The following OPCML variants were observed in gnomAD, a reference collection of about 807,000 sequenced individuals.
OPCML encodes the protein opioid binding protein/cell adhesion molecule like, also known as opioid-binding protein/cell adhesion molecule.
OPCML carries 13 observed loss-of-function variants against 37.8 expected under a neutral mutation model. That is an observed-to-expected ratio of 0.34 (90% CI 0.22 to 0.55). OPCML has a LOEUF of 0.55. Among genes scored for constraint, OPCML ranks in the 20% least tolerant of loss-of-function variants. The probability of loss-of-function intolerance (pLI) is 0.91; values close to 1 mark genes in which losing one functional copy is unlikely to be tolerated. For synonymous variants in OPCML, 176 were observed against 168.8 expected (o/e 1.04, Z -0.33); for missense variants, 341 against 435.6 (o/e 0.78, Z 1.93).
chr11:132,726,508 A>ATTT (rs11454717), intron 2 of OPCML, among the ~76,000 whole-genome samples: 1 of 149,600 alleles, frequency 6.7e-6, no homozygotes, highest in South Asian at 2.1e-4. Flanking sequence ...CCATATCAAC[A>ATTT]TTTTTTTTTT....
intron 1 of OPCML, among the ~76,000 whole-genome samples, chr11:133,059,573 T>C (rs1278285862): frequency 1.3e-5 from 2 of 152,200 alleles, no homozygotes; most frequent in Admixed American, 1.3e-4. Context: ...AAGAATGCCC[T>C]CATTAAACAA....
chr11:133,447,362 T>C (rs963483754), intron 1 of OPCML, among the ~76,000 whole-genome samples: 3 of 152,230 alleles, frequency 2.0e-5, no homozygotes, highest in Admixed American at 2.0e-4. Context: ...TGGTCTTCTG[T>C]TTTTAATAAA....
At chr11:132,968,689 C>A (rs1057203266) in intron 1 of OPCML, among the ~76,000 whole-genome samples, 1 of 152,164 alleles carries the variant, frequency 6.6e-6, no homozygotes, top group Non-Finnish European at 1.5e-5. Flanking sequence ...ATATTTTAAG[C>A]ATATCATTAA....
chr11:133,422,765 ATAAAG>A (rs1945919135), intron 1 of OPCML: 1 of 917,116 alleles, frequency 1.1e-6, no homozygotes, highest in Non-Finnish European at 1.3e-6. Flanking sequence ...TGTATTAATA[ATAAAG>A]TATTTATGAT....
intron 4 of OPCML, among the ~76,000 whole-genome samples, chr11:132,443,494 G>A (rs956738954): frequency 6.6e-6 from 1 of 152,222 alleles, no homozygotes. Context: ...AATTTGCAAA[G>A]TTGGAATCAA....
chr11:133,336,613 C>T (rs543913978), intron 1 of OPCML, among the ~76,000 whole-genome samples: 1 of 152,140 alleles, frequency 6.6e-6, no homozygotes, highest in East Asian at 1.9e-4. Context: ...GAAATTCATT[C>T]AGTGTTAGTT....
intron 2 of OPCML, among the ~76,000 whole-genome samples, chr11:132,752,282 G>T (rs893066597): frequency 4.0e-5 from 6 of 151,884 alleles, no homozygotes; most frequent in African/African-American, 1.2e-4. Context: ...AATTAAAAGA[G>T]AGAGAGAGAG....
At chr11:133,404,311 A>G (rs1945478644) in intron 1 of OPCML, among the ~76,000 whole-genome samples, 1 of 152,238 alleles carries the variant, frequency 6.6e-6, no homozygotes, top group South Asian at 2.1e-4. Flanking sequence ...TTTATTTCCA[A>G]ATAAGGTCAC....
intron 2 of OPCML, among the ~76,000 whole-genome samples, chr11:132,661,722 C>T (rs1218507572): frequency 6.6e-6 from 1 of 152,220 alleles, no homozygotes; most frequent in Non-Finnish European, 1.5e-5. Context: ...CTTGATAAAA[C>T]AGAACTCATT....
intron 1 of OPCML, among the ~76,000 whole-genome samples, chr11:133,521,666 C>T (rs986420685): frequency 2.0e-5 from 3 of 152,370 alleles, no homozygotes; most frequent in Non-Finnish European, 2.9e-5. Context: ...ACTCTCTCCT[C>T]CATGGGATAA....
chr11:132,755,702 C>T (rs1307543127), intron 2 of OPCML, among the ~76,000 whole-genome samples: 2 of 152,170 alleles, frequency 1.3e-5, no homozygotes, highest in African/African-American at 4.8e-5. Flanking sequence ...GGAACGGTTA[C>T]TTGCTTTGCT....
intron 2 of OPCML, among the ~76,000 whole-genome samples, chr11:132,869,095 G>T (rs1379128891): frequency 6.6e-6 from 1 of 152,202 alleles, no homozygotes; most frequent in Non-Finnish European, 1.5e-5. Flanking sequence ...ACCACTGGGG[G>T]AGAAAGAGCC....
chr11:132,569,047 G>A (rs890504439), intron 3 of OPCML, among the ~76,000 whole-genome samples: 3 of 152,212 alleles, frequency 2.0e-5, no homozygotes, highest in African/African-American at 7.2e-5. Flanking sequence ...AGTGGGAAAG[G>A]CATGGGGCAG....
intron 2 of OPCML, among the ~76,000 whole-genome samples, chr11:132,697,387 A>G (rs767727397): frequency 6.6e-6 from 1 of 152,194 alleles, no homozygotes; most frequent in Non-Finnish European, 1.5e-5. Context: ...GAACTTAGTC[A>G]TCCTGCATAA....
intron 1 of OPCML, among the ~76,000 whole-genome samples, chr11:133,166,518 T>C (rs776151425): frequency 1.3e-5 from 2 of 152,220 alleles, no homozygotes; most frequent in Non-Finnish European, 2.9e-5. Flanking sequence ...TGTTATAATA[T>C]TGGCATATGT....
intron 1 of OPCML, chr11:133,007,922 A>G: frequency 1.0e-6 from 1 of 985,438 alleles, no homozygotes; most frequent in Non-Finnish European, 1.2e-6. Context: ...TTTGAGGTCC[A>G]TTGTGCATTT....
intron 1 of OPCML, among the ~76,000 whole-genome samples, chr11:133,180,795 G>T (rs1166447867): frequency 6.9e-6 from 1 of 144,484 alleles, no homozygotes; most frequent in Non-Finnish European, 1.5e-5. Flanking sequence ...TGTACTCTCT[G>T]CCCATGAGCT....
chr11:132,737,853 T>A (rs1280337952), intron 2 of OPCML, among the ~76,000 whole-genome samples: 2 of 152,066 alleles, frequency 1.3e-5, no homozygotes, highest in African/African-American at 4.8e-5. Flanking sequence ...AGAAAGAGAG[T>A]TGGGCAACCA....
At chr11:133,203,115 A>G (rs1306958954) in intron 1 of OPCML, among the ~76,000 whole-genome samples, 1 of 152,234 alleles carries the variant, frequency 6.6e-6, no homozygotes, top group African/African-American at 2.4e-5. Context: ...CTTGCCCGAG[A>G]TGATAAATAA....
Sources: gnomAD v4.1 joint callset for allele counts (sites outside exome capture counted in the v4.1 genomes callset) on GRCh38, gnomAD v4.1.1 for gene constraint, MANE v1.5 for transcripts, NCBI Gene and HGNC (gene_info 2026-07-23, HGNC 2026-07-21) for gene names.